Variants in SUSD6 observed in about 807,000 individuals in gnomAD.
SUSD6 encodes sushi domain-containing protein 6.
Under a neutral mutation model 28.4 loss-of-function variants are expected in SUSD6, and 16 were observed. That is an observed-to-expected ratio of 0.56 (90% CI 0.38 to 0.86). SUSD6 has a LOEUF of 0.86. Ranked by LOEUF, SUSD6 falls within the 40% of genes least tolerant of loss-of-function variation. The pLI is 0.00. For synonymous variants in SUSD6, 147 were observed against 159.6 expected (o/e 0.92, Z 0.59); for missense variants, 341 against 384.2 (o/e 0.89, Z 0.94).
intron 2 of SUSD6, among the ~76,000 whole-genome samples, chr14:69,680,118 G>A (rs1008620425): frequency 1.3e-5 from 2 of 152,130 alleles, no homozygotes; most frequent in Admixed American, 1.3e-4. Flanking sequence ...TCTCATTTTG[G>A]ATCCTTGGGT....
At chr14:69,612,347 GC>G (rs1481990998) in intron 1 of SUSD6, among the ~76,000 whole-genome samples, 1 of 152,164 alleles carries the variant, frequency 6.6e-6, no homozygotes, top group African/African-American at 2.4e-5. Context: ...GCATTCGGGA[GC>G]CCCCGCGCCT....
intron 2 of SUSD6, among the ~76,000 whole-genome samples, chr14:69,697,122 C>T (rs913193779): frequency 3.3e-5 from 5 of 152,076 alleles, no homozygotes; most frequent in African/African-American, 7.2e-5. Flanking sequence ...CCTATGTAGC[C>T]GTGGCATTTG....
chr14:69,615,759 T>C (rs1177502198), intron 1 of SUSD6: 1 of 152,228 alleles, frequency 6.6e-6, no homozygotes, highest in African/African-American at 2.4e-5. Flanking sequence ...TTTCACAGAC[T>C]GTGGTGTTGC....
At chr14:69,625,254 CAG>C (rs1885097816) in intron 1 of SUSD6, among the ~76,000 whole-genome samples, 2 of 152,174 alleles carry the variant, frequency 1.3e-5, no homozygotes, top group Non-Finnish European at 2.9e-5. Flanking sequence ...GATGGTTAAG[CAG>C]TTAACTCAGT....
chr14:69,650,574 G>C (rs1251711976), intron 1 of SUSD6, among the ~76,000 whole-genome samples: 1 of 152,268 alleles, frequency 6.6e-6, no homozygotes, highest in South Asian at 2.1e-4. Context: ...TTTGGAGAAG[G>C]GGTTTCCTAC....
chr14:69,668,320 A>G (rs1472774533), intron 2 of SUSD6, among the ~76,000 whole-genome samples: 1 of 151,954 alleles, frequency 6.6e-6, no homozygotes, highest in Non-Finnish European at 1.5e-5. Flanking sequence ...CTGTTAGGTG[A>G]TGAAGAGTTA....
chr14:69,646,007 C>T (rs1270731356), intron 1 of SUSD6, among the ~76,000 whole-genome samples: 1 of 152,164 alleles, frequency 6.6e-6, no homozygotes, highest in Admixed American at 6.5e-5. Context: ...GCCTTGGCCT[C>T]CCAAAGTGCT....
chr14:69,689,695 G>A (rs1317857254), intron 2 of SUSD6, among the ~76,000 whole-genome samples: 1 of 152,200 alleles, frequency 6.6e-6, no homozygotes, highest in Non-Finnish European at 1.5e-5. Flanking sequence ...TTGAGATGGA[G>A]TCTCGCTCTC....
At chr14:69,624,969 C>T (rs990211268) in intron 1 of SUSD6, among the ~76,000 whole-genome samples, 1 of 152,166 alleles carries the variant, frequency 6.6e-6, no homozygotes, top group African/African-American at 2.4e-5. Flanking sequence ...ATTAAAATTA[C>T]ATTTAAAAGT....
chr14:69,653,747 C>CTTTTTTTTTTTTTTTTT (rs3048700), intron 1 of SUSD6, among the ~76,000 whole-genome samples: 1 of 93,244 alleles, frequency 1.1e-5, no homozygotes, highest in African/African-American at 4.1e-5. Context: ...CCTAGTGAAA[C>CTTTTTTTTTTTTTTTTT]TTTTTTTTTT....
At chr14:69,674,637 G>C (rs1566601002) in intron 2 of SUSD6, among the ~76,000 whole-genome samples, 1 of 152,080 alleles carries the variant, frequency 6.6e-6, no homozygotes, top group Non-Finnish European at 1.5e-5. Flanking sequence ...TGTCCTAGGG[G>C]AATTTGCTGT....
At chr14:69,681,308 G>A (rs1461128029) in intron 2 of SUSD6, among the ~76,000 whole-genome samples, 1 of 152,184 alleles carries the variant, frequency 6.6e-6, no homozygotes, top group East Asian at 1.9e-4. Flanking sequence ...AATTCTGGAT[G>A]GTGCTGTTTT....
intron 1 of SUSD6, among the ~76,000 whole-genome samples, chr14:69,635,763 C>A (rs1885256985): frequency 6.6e-6 from 1 of 152,210 alleles, no homozygotes; most frequent in Non-Finnish European, 1.5e-5. Flanking sequence ...TAGAGTAAAT[C>A]TTTTTCTGGC....
chr14:69,612,664 G>A (rs536558572), intron 1 of SUSD6, among the ~76,000 whole-genome samples: 1 of 152,302 alleles, frequency 6.6e-6, no homozygotes, highest in East Asian at 1.9e-4. Context: ...AGGGAAGTTG[G>A]CGTCTGGGCA....
chr14:69,630,558 G>A (rs1045127857), intron 1 of SUSD6, among the ~76,000 whole-genome samples: 1 of 152,114 alleles, frequency 6.6e-6, no homozygotes, highest in African/African-American at 2.4e-5. Context: ...GACATGTAAT[G>A]ACGTCTGACT....
chr14:69,684,116 T>G (rs1886037011), intron 2 of SUSD6, among the ~76,000 whole-genome samples: 1 of 152,170 alleles, frequency 6.6e-6, no homozygotes, highest in South Asian at 2.1e-4. Flanking sequence ...GCGGACCCAG[T>G]GGGGTCAAGC....
At chr14:69,623,928 G>A (rs1032615251) in intron 1 of SUSD6, among the ~76,000 whole-genome samples, 6 of 152,136 alleles carry the variant, frequency 3.9e-5, no homozygotes, top group African/African-American at 1.4e-4. Flanking sequence ...AAGTAAAAAA[G>A]TCACAGTAAG....
chr14:69,628,782 G>A (rs561726775), intron 1 of SUSD6, among the ~76,000 whole-genome samples: 1 of 150,536 alleles, frequency 6.6e-6, no homozygotes, highest in East Asian at 2.0e-4. Flanking sequence ...GTGCAGTGGG[G>A]CTATGTAGGC....
At chr14:69,700,798 T>A (rs1224360273) in intron 2 of SUSD6, among the ~76,000 whole-genome samples, 1 of 152,224 alleles carries the variant, frequency 6.6e-6, no homozygotes, top group Non-Finnish European at 1.5e-5. Context: ...TAGAAACTGG[T>A]GCAGTGACTC....
Sources: allele counts gnomAD v4.1 joint callset (sites outside exome capture counted in the v4.1 genomes callset), GRCh38; gene constraint gnomAD v4.1.1; transcripts MANE v1.5; gene names NCBI Gene and HGNC (gene_info 2026-07-23, HGNC 2026-07-21).